ADGRV1: variants seen among roughly 807,000 people sequenced by gnomAD.
ADGRV1 encodes the protein G-protein coupled receptor 98.
Under a neutral mutation model 596.2 loss-of-function variants are expected in ADGRV1, and 359 were observed. That is an observed-to-expected ratio of 0.60 (90% CI 0.55 to 0.66). The LOEUF (loss-of-function observed/expected upper bound fraction) is 0.66. ADGRV1 is among the 30% of genes least tolerant of loss of function. The pLI is 0.00. For synonymous variants in ADGRV1, 2,681 were observed against 2,679.2 expected, an observed-to-expected ratio of 1.00 and a Z score of -0.02; for missense variants, 7,274 against 7,575.6, an observed-to-expected ratio of 0.96 and a Z score of 1.48.
At chr5:90,664,657 A>T (rs1301219864) in intron 21 of ADGRV1, among the ~76,000 whole-genome samples, 11 of 137,936 alleles carry the variant, frequency 8.0e-5, no homozygotes, top group Admixed American at 6.0e-4. Context: ...TATGTTGAAT[A>T]GGAGTGGTGA....
chr5:90,644,833 T>C lies in ADGRV1; in HGVS notation c.2862T>C (p.Phe954=), dbSNP rs1282208804. The part of the protein sequence containing the change: ...QGTVVFGDQE[F]SKNITIYSLP... ...CTGTTGTCTTTGGAGATCAGGAATT[T>C]TCAAAAAATATCACCATTTACTCCC... The change falls in exon 15 of 90, where the codon TTT becomes TTC. Residue 954 remains phenylalanine (F), a synonymous_variant. Transcript: ENST00000405460. 6.2e-7 allele frequency: 1 copy of C among 1,607,406 alleles called. No individual in the cohort carries two copies. The highest frequency in any genetic ancestry group is 8.5e-7 in the Non-Finnish European group (1 of 1,177,650).
In ADGRV1 at chr5:90,783,102, T is replaced by C. The variant is rs376676171; in HGVS notation, c.13232-22T>C. On this transcript the variant is annotated intron_variant, in intron 65 of 89. Transcript: ENST00000405460. ...TAGTTGCTCTGTCTGGCTTACCAAT[T>C]AATTCCAAGTTCCCATTACAGTGGA... The C allele has an allele frequency of 3.7e-6, 6 of 1,603,200 alleles. No homozygotes were observed. In the African/African-American group the frequency reaches 6.7e-5, roughly 18 times the overall value.
chr5:90,624,769 A>G (rs758012038), intron 5 of ADGRV1, among the ~76,000 whole-genome samples: 3 of 152,170 alleles, frequency 2.0e-5, no homozygotes, highest in Non-Finnish European at 4.4e-5. Context: ...TATTCTTCAC[A>G]TCTTCACATC....
At chr5:90,867,179 T>G (rs1159286193) in intron 83 of ADGRV1, among the ~76,000 whole-genome samples, 1 of 152,068 alleles carries the variant, frequency 6.6e-6, no homozygotes, top group Non-Finnish European at 1.5e-5. Flanking sequence ...CCTCCAAATC[T>G]AAAAAAAGAA....
chr5:90,791,336 TAAAG>T lies in ADGRV1; in HGVS notation c.14510_14513del (p.Lys4837IlefsTer16), dbSNP rs748841800. On this transcript the variant is annotated frameshift_variant, in exon 70 of 90. Coordinates refer to ENST00000405460, the MANE Select transcript of ADGRV1 (RefSeq NM_032119.4). LOFTEE classifies it high-confidence loss of function. Reference sequence around the variant, plus strand: ...ACATATAAAGTGGACGTGGTGCCAATAAAGAATCAGGTTTGTGGCATTTCTTCAG... The same window carrying T: ...ACATATAAAGTGGACGTGGTGCCAATAATCAGGTTTGTGGCATTTCTTCAG... The T allele has an allele frequency of 6.4e-7, 1 of 1,557,156 alleles. No individual in the cohort carries two copies. Among genetic ancestry groups the T allele is most frequent in the East Asian group, 2.4e-5 (1 of 41,938 alleles).
chr5:90,963,759 T>C (rs759433579), intron 83 of ADGRV1, among the ~76,000 whole-genome samples: 13 of 150,660 alleles, frequency 8.6e-5, no homozygotes, highest in Non-Finnish European at 1.6e-4. Flanking sequence ...TCACTGTCTG[T>C]AGCTTGAAAA....
intron 79 of ADGRV1, chr5:90,850,827 C>T (rs1766411103): frequency 1.3e-5 from 2 of 152,028 alleles, no homozygotes; most frequent in Admixed American, 1.3e-4. Flanking sequence ...GTGGCCTTTT[C>T]TGTTTTGTTT....
chr5:90,893,000 T>C (rs1055386613), intron 83 of ADGRV1, among the ~76,000 whole-genome samples: 1 of 152,208 alleles, frequency 6.6e-6, no homozygotes, highest in Non-Finnish European at 1.5e-5. Flanking sequence ...TGACAAATTA[T>C]ACCAAAACTT....
chr5:90,714,221 T>C (rs1343480872), intron 42 of ADGRV1, among the ~76,000 whole-genome samples: 1 of 152,050 alleles, frequency 6.6e-6, no homozygotes, highest in East Asian at 1.9e-4. Context: ...TATTATACAT[T>C]ATTGTGCATT....
At chr5:90,915,407 C>T (rs1773258568) in intron 83 of ADGRV1, among the ~76,000 whole-genome samples, 1 of 152,078 alleles carries the variant, frequency 6.6e-6, no homozygotes, top group Non-Finnish European at 1.5e-5. Context: ...GTTTAATCCC[C>T]CTGACTTTAG....
At chr5:90,579,193 A>G (rs1580333128) in intron 1 of ADGRV1, among the ~76,000 whole-genome samples, 1 of 151,966 alleles carries the variant, frequency 6.6e-6, no homozygotes, top group East Asian at 1.9e-4. Flanking sequence ...TTTAATTGTG[A>G]TGTTACGGTG....
chr5:91,155,312 T>C (rs1796387033), intron 89 of ADGRV1, among the ~76,000 whole-genome samples: 1 of 152,156 alleles, frequency 6.6e-6, no homozygotes, highest in South Asian at 2.1e-4. Context: ...ACTGAGGGAA[T>C]AGAATTAGCA....
At position 90,627,391 on chromosome 5, in the gene ADGRV1, C is replaced by T. The variant is rs200197273; in HGVS notation, c.853C>T (p.Arg285Cys). 5 of 1,613,728 alleles carry T rather than the reference C, an allele frequency of 3.1e-6. No homozygotes were observed. Among genetic ancestry groups the T allele is most frequent in the African/African-American group, 1.3e-5 (1 of 74,960 alleles). Residue 285 changes from arginine (R) to cysteine (C), a missense_variant, in exon 7 of 90, where the codon CGT (arginine) becomes TGT (cysteine). Arg to Cys is a radical substitution (Grantham distance 180). This residue lies in a region of ADGRV1 where 1,715 missense variants were observed against 1,708.8 expected (regional missense o/e 1.00). Transcript: ENST00000405460. ...CCACATACTCATAATTCCAGTAGTT[C>T]GTGGAAAGGACAACAATGGAAATCT... ...EDHILIIPVV[R>C]GKDNNGNLIG...
intron 84 of ADGRV1, among the ~76,000 whole-genome samples, chr5:90,972,479 G>T (rs1189220453): frequency 6.6e-6 from 1 of 152,100 alleles, no homozygotes; most frequent in Non-Finnish European, 1.5e-5. Flanking sequence ...AAATGTAAAA[G>T]AACAGAAATT....
chr5:90,817,101 G>T (rs138845400), intron 75 of ADGRV1, among the ~76,000 whole-genome samples: 1 of 152,050 alleles, frequency 6.6e-6, no homozygotes. Context: ...AATGATTGCC[G>T]TTCTAACTGG....
intron 51 of ADGRV1, 122 bp downstream of exon 51, chr5:90,745,387 T>C: frequency 2.7e-6 from 2 of 736,764 alleles, no homozygotes; most frequent in South Asian, 2.1e-5. Context: ...TTTATCAGCC[T>C]GAAATTTGGT....
intron 85 of ADGRV1, among the ~76,000 whole-genome samples, chr5:91,057,420 C>T (rs1228310449): frequency 6.6e-6 from 1 of 152,162 alleles, no homozygotes; most frequent in Non-Finnish European, 1.5e-5. Flanking sequence ...AAAATATTTA[C>T]TGTCTATTAG....
intron 45 of ADGRV1, among the ~76,000 whole-genome samples, chr5:90,724,085 A>G (rs2149791134): frequency 6.6e-6 from 1 of 152,288 alleles, no homozygotes; most frequent in South Asian, 2.1e-4. Flanking sequence ...TTCAAATTTA[A>G]TAGCGTAAAT....
intron 20 of ADGRV1, chr5:90,654,207 C>A: frequency 2.1e-6 from 1 of 478,116 alleles, no homozygotes; most frequent in East Asian, 3.9e-5. Flanking sequence ...TGATATATCA[C>A]AATGACACCC....
Sources: allele counts gnomAD v4.1 joint callset (sites outside exome capture counted in the v4.1 genomes callset), GRCh38; gene constraint gnomAD v4.1.1; regional missense constraint gnomAD v4.1.1; transcripts MANE v1.5; gene names NCBI Gene and HGNC (gene_info 2026-07-23, HGNC 2026-07-21).